Variants in PTPRN2 observed in about 807,000 individuals in gnomAD.
PTPRN2 encodes the protein protein tyrosine phosphatase receptor type N2, also known as receptor-type tyrosine-protein phosphatase N2.
PTPRN2 carries 74 observed loss-of-function variants against 118.8 expected under a neutral mutation model. That is an observed-to-expected ratio of 0.62 (90% CI 0.52 to 0.76). PTPRN2 has a LOEUF of 0.76. Among genes scored for constraint, PTPRN2 ranks in the 30% least tolerant of loss-of-function variants. The pLI, the probability that PTPRN2 is intolerant of heterozygous loss-of-function variation, is 0.00. For missense variants in PTPRN2, 1,481 were observed against 1,394.4 expected (o/e 1.06, Z -0.99); for synonymous variants, 641 against 608.0 (o/e 1.05, Z -0.80).
At chr7:157,582,704 T>A (rs976559131) in intron 17 of PTPRN2, among the ~76,000 whole-genome samples, 5 of 151,798 alleles carry the variant, frequency 3.3e-5, no homozygotes, top group African/African-American at 9.7e-5. Context: ...TGAAACACCA[T>A]CTCTACTAAA....
At chr7:158,300,985 A>T (rs995150445) in intron 3 of PTPRN2, among the ~76,000 whole-genome samples, 6 of 152,208 alleles carry the variant, frequency 3.9e-5, no homozygotes, top group African/African-American at 1.4e-4. Flanking sequence ...TCTGCATGTG[A>T]ATTAAATGTT....
rs999727587 is a variant in PTPRN2, at chr7:158,236,217, C to T, written c.278-30944G>A. Among the ~76,000 whole-genome samples, 16 of 152,144 alleles carry T rather than the reference C, an allele frequency of 1.1e-4. 1 individual carries two copies. The highest frequency in any genetic ancestry group is 6.6e-4 in the Admixed American group (10 of 15,266). On this transcript the variant is annotated intron_variant, in intron 3 of 22. Transcript: ENST00000389418. ...GGTACGTTAGGGGATGGTGTGGAAA[C>T]GCTTGGCTAAATGAAGATGCTGCTG...
chr7:157,898,096 T>C (rs915871857), intron 12 of PTPRN2, among the ~76,000 whole-genome samples: 2 of 151,922 alleles, frequency 1.3e-5, no homozygotes, highest in Non-Finnish European at 2.9e-5. Context: ...GATACCAGCA[T>C]GGTAAGGTTT....
intron 1 of PTPRN2, among the ~76,000 whole-genome samples, chr7:158,536,714 G>A (rs1009004011): frequency 1.3e-4 from 17 of 132,906 alleles, no homozygotes; most frequent in Non-Finnish European, 2.2e-4. Context: ...CACCATTGAC[G>A]AGATGAGACT....
At chr7:157,577,535 C>G (rs1004228062) in intron 18 of PTPRN2, among the ~76,000 whole-genome samples, 6 of 152,098 alleles carry the variant, frequency 3.9e-5, no homozygotes, top group African/African-American at 1.4e-4. Context: ...GTCACATGAT[C>G]CAGCCACGAA....
At chr7:158,398,936 C>G (rs1427313971) in intron 2 of PTPRN2, among the ~76,000 whole-genome samples, 2 of 152,242 alleles carry the variant, frequency 1.3e-5, no homozygotes, top group Non-Finnish European at 2.9e-5. Flanking sequence ...CTATCCCCAA[C>G]TAGGCTATGT....
At chr7:158,341,192 TAA>T (rs1806690134) in intron 2 of PTPRN2, among the ~76,000 whole-genome samples, 1 of 150,556 alleles carries the variant, frequency 6.6e-6, no homozygotes, top group Non-Finnish European at 1.5e-5. Flanking sequence ...ACTCTCACCA[TAA>T]GAGGTAACAC....
chr7:157,541,125 C>T (rs990161415), intron 22 of PTPRN2, among the ~76,000 whole-genome samples: 5 of 152,234 alleles, frequency 3.3e-5, no homozygotes, highest in Non-Finnish European at 7.3e-5. Context: ...GTCCTTCTGA[C>T]CCTACGACTC....
chr7:157,613,830 C>T (rs1466292974), intron 15 of PTPRN2, among the ~76,000 whole-genome samples: 6 of 152,210 alleles, frequency 3.9e-5, no homozygotes, highest in East Asian at 1.9e-4. Flanking sequence ...GCACCCCGGG[C>T]CGCCGTCCTG....
At chr7:158,564,284 C>G (rs977227191) in intron 1 of PTPRN2, among the ~76,000 whole-genome samples, 3 of 152,296 alleles carry the variant, frequency 2.0e-5, no homozygotes, top group Admixed American at 2.0e-4. Flanking sequence ...GCAATGAACA[C>G]GCTTATGCAA....
intron 1 of PTPRN2, among the ~76,000 whole-genome samples, chr7:158,508,295 A>G (rs1822921718): frequency 6.6e-6 from 1 of 152,190 alleles, no homozygotes; most frequent in South Asian, 2.1e-4. Context: ...CGGCAGGACT[A>G]TGAATTGAAC....
intron 2 of PTPRN2, among the ~76,000 whole-genome samples, chr7:158,379,754 C>T (rs1810819795): frequency 6.6e-6 from 1 of 152,126 alleles, no homozygotes; most frequent in Non-Finnish European, 1.5e-5. Flanking sequence ...GGATGGGGAC[C>T]CCCTAGCTGT....
chr7:158,359,361 T>C (rs1270708944), intron 2 of PTPRN2, among the ~76,000 whole-genome samples: 4 of 152,196 alleles, frequency 2.6e-5, no homozygotes, highest in South Asian at 2.1e-4. Flanking sequence ...TGGTATCACA[T>C]TGGCCAAGAG....
At chr7:157,918,948 A>AG (rs1208604420) in intron 11 of PTPRN2, among the ~76,000 whole-genome samples, 30 of 152,190 alleles carry the variant, frequency 2.0e-4, no homozygotes, top group African/African-American at 7.2e-4. Flanking sequence ...CAGCCACCTG[A>AG]GGTGCGGACT....
chr7:158,123,690 T>C (rs977572271), intron 9 of PTPRN2, among the ~76,000 whole-genome samples: 3 of 152,236 alleles, frequency 2.0e-5, no homozygotes, highest in African/African-American at 7.2e-5. Context: ...TTTTTTGGCA[T>C]AAGGATGAGA....
In PTPRN2 at chr7:157,595,273, C is replaced by G; in HGVS notation, c.2461G>C (p.Gly821Arg). 1 of 1,614,168 alleles carries G rather than the reference C, an allele frequency of 6.2e-7. No individual in the cohort carries two copies. The highest frequency in any genetic ancestry group is 8.5e-7 in the Non-Finnish European group (1 of 1,180,050). Reference sequence around the variant, plus strand: ...TCAGCCACGGTGGCGGGCAGCGGTCCCTGGGTGGCGATGTACGCGGGGTTC... The same window carrying G: ...TCAGCCACGGTGGCGGGCAGCGGTCGCTGGGTGGCGATGTACGCGGGGTTC... ...PRNPAYIATQ[G>R]PLPATVADFW... The change falls in exon 17 of 23, where the codon GGA becomes CGA. Residue 821 changes from glycine (G) to arginine (R), a missense_variant. Around this residue, in one of 3 missense-constraint regions of PTPRN2, gnomAD observed 362 missense variants for 384.1 expected, o/e 0.94. Transcript: ENST00000389418.
chr7:158,268,017 G>A (rs879618202), intron 3 of PTPRN2, among the ~76,000 whole-genome samples: 1 of 152,186 alleles, frequency 6.6e-6, no homozygotes, highest in Non-Finnish European at 1.5e-5. Context: ...CCCAGTGACT[G>A]TATTTGGGTA....
At chr7:158,467,329 G>A (rs559638070) in intron 2 of PTPRN2, among the ~76,000 whole-genome samples, 1 of 151,980 alleles carries the variant, frequency 6.6e-6, no homozygotes, top group Admixed American at 6.6e-5. Flanking sequence ...ATTGAGTTGA[G>A]TGAGTTCCTT....
At chr7:158,543,222 G>C (rs997562906) in intron 1 of PTPRN2, among the ~76,000 whole-genome samples, 14 of 152,224 alleles carry the variant, frequency 9.2e-5, no homozygotes, top group Non-Finnish European at 1.2e-4. Flanking sequence ...CGAGCACGGA[G>C]CTCACCTTAG....
Sources: gnomAD v4.1 joint callset for allele counts (sites outside exome capture counted in the v4.1 genomes callset) on GRCh38, gnomAD v4.1.1 for gene constraint, gnomAD v4.1.1 regional missense constraint, MANE v1.5 for transcripts, NCBI Gene and HGNC (gene_info 2026-07-23, HGNC 2026-07-21) for gene names.